The following MOXD1 variants were observed in gnomAD, a reference collection of about 807,000 sequenced individuals.
The protein encoded by MOXD1 is monooxygenase DBH like 1.
A neutral mutation model predicts 66.6 loss-of-function variants in MOXD1; 62 were observed. The ratio of observed to expected loss-of-function variants is 0.93; its 90% confidence interval spans 0.76 to 1.15. The LOEUF (loss-of-function observed/expected upper bound fraction) is 1.15. Ranked by LOEUF, MOXD1 falls within the 50% of genes most tolerant of loss-of-function variation. The pLI is 0.00. For synonymous variants in MOXD1, 303 were observed against 281.9 expected (o/e 1.07, Z -0.75); for missense variants, 847 against 754.6 (o/e 1.12, Z -1.44).
At chr6:132,355,615 C>T (rs1473267312) in intron 4 of MOXD1, among the ~76,000 whole-genome samples, 1 of 152,168 alleles carries the variant, frequency 6.6e-6, no homozygotes, top group East Asian at 1.9e-4. Flanking sequence ...GGAGAGCCCA[C>T]TTGTTCAGCT....
chr6:132,383,499 A>T (rs1776551833), intron 1 of MOXD1, among the ~76,000 whole-genome samples: 1 of 152,204 alleles, frequency 6.6e-6, no homozygotes, highest in Non-Finnish European at 1.5e-5. Flanking sequence ...AATGAGAAAG[A>T]GGCCCACCTG....
In MOXD1 at chr6:132,395,329, C is replaced by T. The variant is rs552524010; in HGVS notation, c.264+5834G>A. Reference sequence around the variant, plus strand: ...AGTCCTACACCCAAAAGTGAAAGAACAATATCTAATATCATTAAAACACAT... The same window carrying T: ...AGTCCTACACCCAAAAGTGAAAGAATAATATCTAATATCATTAAAACACAT... On this transcript the variant is annotated intron_variant, in intron 1 of 11. Coordinates refer to ENST00000367963, the MANE Select transcript of MOXD1 (RefSeq NM_015529.4). 9.9e-5 allele frequency among the ~76,000 whole-genome samples: 15 copies of T among 152,094 alleles called. 1 individual carries two copies. The highest frequency in any genetic ancestry group is 3.4e-4 in the African/African-American group (14 of 41,520).
chr6:132,303,031 C>G (rs1295306744), intron 10 of MOXD1, among the ~76,000 whole-genome samples: 2 of 152,012 alleles, frequency 1.3e-5, no homozygotes, highest in Non-Finnish European at 2.9e-5. Context: ...ACACTACACA[C>G]AAAAATGTGT....
chr6:132,340,779 T>C (rs1415641767), intron 4 of MOXD1, among the ~76,000 whole-genome samples: 2 of 151,734 alleles, frequency 1.3e-5, no homozygotes, highest in Non-Finnish European at 2.9e-5. Context: ...CTGGAGTAGC[T>C]GGGACTACAG....
intron 10 of MOXD1, among the ~76,000 whole-genome samples, chr6:132,300,510 C>T (rs931932697): frequency 7.2e-5 from 11 of 152,146 alleles, no homozygotes; most frequent in Non-Finnish European, 1.3e-4. Flanking sequence ...CTGTAACCAT[C>T]TGAAACACCA....
At chr6:132,308,884 C>G (rs1774757661) in intron 10 of MOXD1, among the ~76,000 whole-genome samples, 1 of 152,080 alleles carries the variant, frequency 6.6e-6, no homozygotes, top group African/African-American at 2.4e-5. Context: ...ATAATAAGAG[C>G]TATTTATGTC....
intron 4 of MOXD1, among the ~76,000 whole-genome samples, chr6:132,370,639 C>G (rs949757377): frequency 1.3e-5 from 2 of 152,082 alleles, no homozygotes; most frequent in Non-Finnish European, 2.9e-5. Context: ...TGTATGAGCA[C>G]TCCCTTATGA....
chr6:132,316,461 T>C (rs1429763759), intron 9 of MOXD1, among the ~76,000 whole-genome samples: 1 of 152,084 alleles, frequency 6.6e-6, no homozygotes, highest in Non-Finnish European at 1.5e-5. Flanking sequence ...TTTTACAAAG[T>C]GTTCAAAGAG....
chr6:132,397,692 A>AAGAAAG (rs1163370970), intron 1 of MOXD1, among the ~76,000 whole-genome samples: 1 of 118,860 alleles, frequency 8.4e-6, no homozygotes, highest in African/African-American at 3.2e-5. Context: ...GAAAGAAAGA[A>AAGAAAG]AGAAAGAAAA....
intron 1 of MOXD1, among the ~76,000 whole-genome samples, chr6:132,379,080 C>T (rs987917521): frequency 1.3e-5 from 2 of 151,260 alleles, no homozygotes; most frequent in African/African-American, 2.4e-5. Flanking sequence ...AAAAACTACA[C>T]ACCATCAACA....
intron 4 of MOXD1, among the ~76,000 whole-genome samples, chr6:132,362,225 T>C (rs1479724066): frequency 1.3e-5 from 2 of 152,152 alleles, no homozygotes; most frequent in East Asian, 3.8e-4. Context: ...TAAGAAAATC[T>C]TTTATTATAA....
At position 132,377,601 on chromosome 6, in the gene MOXD1, T is replaced by A. The variant is rs570381380; in HGVS notation, c.265-2824A>T. On this transcript the variant is annotated intron_variant, in intron 1 of 11. Coordinates refer to ENST00000367963, the MANE Select transcript of MOXD1 (RefSeq NM_015529.4). ...TATTAGAAAATGAGAGAAACTTCAC[T>A]CAACTTATGTTGATGACCCCTTGCG... Among the ~76,000 whole-genome samples the A allele has an allele frequency of 9.8e-5, 15 of 152,314 alleles. No individual in the cohort carries two copies. The South Asian group carries it at 3.1e-3, about 32-fold the overall frequency.
intron 4 of MOXD1, among the ~76,000 whole-genome samples, chr6:132,344,998 C>T (rs1171685385): frequency 6.6e-6 from 1 of 152,170 alleles, no homozygotes. Context: ...TGACAGGAAC[C>T]AGCTGCCCTA....
chr6:132,358,966 A>G (rs374744314), intron 4 of MOXD1, among the ~76,000 whole-genome samples: 1 of 152,198 alleles, frequency 6.6e-6, no homozygotes, highest in East Asian at 1.9e-4. Flanking sequence ...TATCACATAC[A>G]TTTAAATTAT....
In MOXD1 at chr6:132,384,765, A is replaced by G. The variant is rs150798065; in HGVS notation, c.265-9988T>C. On this transcript the variant is annotated intron_variant, in intron 1 of 11. Coordinates refer to ENST00000367963, the MANE Select transcript of MOXD1 (RefSeq NM_015529.4). The stretch of plus-strand genomic sequence containing the variant: ...AAATAAAAGCCAGTGGGACTGAATT[A>G]CAGTGCCCAAAGAGGTCCCTGAGGT... Among the ~76,000 whole-genome samples the G allele has an allele frequency of 8.5e-5, 13 of 152,354 alleles. No homozygotes were observed. The East Asian group carries it at 2.5e-3, about 29-fold the overall frequency.
chr6:132,346,330 G>A (rs1295504474), intron 4 of MOXD1, among the ~76,000 whole-genome samples: 1 of 151,802 alleles, frequency 6.6e-6, no homozygotes, highest in Non-Finnish European at 1.5e-5. Context: ...ATTTGTCATG[G>A]TTTTGGCAAT....
At chr6:132,357,445 T>C (rs1349837843) in intron 4 of MOXD1, among the ~76,000 whole-genome samples, 1 of 152,078 alleles carries the variant, frequency 6.6e-6, no homozygotes, top group Non-Finnish European at 1.5e-5. Flanking sequence ...CAGGTTCATC[T>C]GGCAGTCCAG....
chr6:132,358,530 T>C (rs1775951765), intron 4 of MOXD1, among the ~76,000 whole-genome samples: 1 of 152,198 alleles, frequency 6.6e-6, no homozygotes. Flanking sequence ...CTTCTAAAAT[T>C]CAATATTTTA....
chr6:132,306,790 T>C (rs1276353469), intron 10 of MOXD1, among the ~76,000 whole-genome samples: 1 of 152,110 alleles, frequency 6.6e-6, no homozygotes, highest in Non-Finnish European at 1.5e-5. Context: ...AGAAATAAAA[T>C]CCTTTTCAGA....
Sources: allele counts gnomAD v4.1 joint callset (sites outside exome capture counted in the v4.1 genomes callset), GRCh38; gene constraint gnomAD v4.1.1; transcripts MANE v1.5; gene names NCBI Gene and HGNC (gene_info 2026-07-23, HGNC 2026-07-21).